The following CUX2 variants were observed in gnomAD, a reference collection of about 807,000 sequenced individuals.
CUX2 encodes the protein homeobox protein cut-like 2.
In CUX2, 40 loss-of-function variants were observed where a neutral mutation model predicts 144.8. That is an observed-to-expected ratio of 0.28 (90% confidence interval 0.21 to 0.36). The LOEUF (loss-of-function observed/expected upper bound fraction) is 0.36. CUX2 is among the 10% of genes least tolerant of loss of function. The probability of loss-of-function intolerance (pLI) is 1.00; values close to 1 mark genes in which losing one functional copy is unlikely to be tolerated. For synonymous variants in CUX2, 827 were observed against 875.6 expected (o/e 0.94, Z 0.98); for missense variants, 1,615 against 1,994.0 (o/e 0.81, Z 3.62).
Position 111,312,083 on chromosome 12 carries a change from C to A in CUX2, c.1901-17C>A, listed in dbSNP as rs761574881. ...CAACATGCAGATCCTGCCACAGATG[C>A]CTTCTTGCCTCCCCAGGCAGCATCA... On this transcript the variant is annotated splice_polypyrimidine_tract_variant and intron_variant, in intron 15 of 21. Transcript: ENST00000261726. This position sits in a 1 kb window ranked among gnomAD's most constrained non-coding sequence, Gnocchi z 4.3. 9 of 1,601,046 alleles carry A rather than the reference C, an allele frequency of 5.6e-6. No individual in the cohort carries two copies. The highest frequency in any genetic ancestry group is 1.3e-5 in the African/African-American group (1 of 74,608).
chr12:111,178,932 C>T lies in CUX2; in HGVS notation c.64-35268C>T, dbSNP rs1019512501. Among the ~76,000 whole-genome samples, 1 of 152,036 alleles carries T rather than the reference C, an allele frequency of 6.6e-6. No individual in the cohort carries two copies. The highest frequency in any genetic ancestry group is 1.5e-5 in the Non-Finnish European group (1 of 67,990). On this transcript the variant is annotated intron_variant, in intron 1 of 21. Coordinates refer to ENST00000261726, the MANE Select transcript of CUX2 (RefSeq NM_015267.4). This position sits in a 1 kb window ranked among gnomAD's most constrained non-coding sequence, Gnocchi z 5.7. Reference sequence around the variant, plus strand: ...GAATGACAGCAAGGGGGTCAGCGGTCGGCGCAGGGGAAAGCAGGGCTGAGA... The same window carrying T: ...GAATGACAGCAAGGGGGTCAGCGGTTGGCGCAGGGGAAAGCAGGGCTGAGA...
In CUX2 at chr12:111,295,440, A is replaced by G; in HGVS notation, c.637+31A>G. 1 of 1,587,050 alleles carries G rather than the reference A, an allele frequency of 6.3e-7. No individual in the cohort carries two copies. The highest frequency in any genetic ancestry group is 8.6e-7 in the Non-Finnish European group (1 of 1,163,010). ...TGTCGGCACCATGTGGCCTAGAGGG[A>G]GGACTGGGAGGGGACGGTAATGCTG... is the stretch of plus-strand genomic sequence containing the variant. On this transcript the variant is annotated intron_variant, in intron 7 of 21. Transcript: ENST00000261726. The surrounding 1 kb of genome is among the most constrained non-coding windows in gnomAD (Gnocchi z 5.0).
At chr12:111,251,743 C>G (rs1292244181) in intron 3 of CUX2, among the ~76,000 whole-genome samples, 1 of 152,194 alleles carries the variant, frequency 6.6e-6, no homozygotes, top group Non-Finnish European at 1.5e-5. Flanking sequence ...TGCAGACCCT[C>G]CCCTCAGCCA....
chr12:111,049,146 A>G (rs144318659), intron 1 of CUX2, among the ~76,000 whole-genome samples: 298 of 152,118 alleles, frequency 2.0e-3, no homozygotes, highest in African/African-American at 6.9e-3. Context: ...TCCATCCATG[A>G]ATCCTTCCAT....
At chr12:111,150,752 C>T (rs1468395594) in intron 1 of CUX2, among the ~76,000 whole-genome samples, 6 of 11,360 alleles carry the variant, frequency 5.3e-4, no homozygotes, top group Non-Finnish European at 8.1e-4. Context: ...GGAAAAGCCT[C>T]GGGGGGTGGG....
chr12:111,202,157 CT>C (rs34259430), intron 1 of CUX2, among the ~76,000 whole-genome samples: 69 of 152,324 alleles, frequency 4.5e-4, no homozygotes, highest in African/African-American at 1.5e-3. Flanking sequence ...TGTGGGATCC[CT>C]TTCCCCTGCC....
chr12:111,261,790 C>A (rs1057152021), intron 3 of CUX2, among the ~76,000 whole-genome samples: 6 of 152,092 alleles, frequency 3.9e-5, no homozygotes, highest in African/African-American at 1.4e-4. Context: ...GTAATCTCAG[C>A]TACTTGGTAG....
At chr12:111,099,392 G>A (rs979069651) in intron 1 of CUX2, 5 of 364,024 alleles carry the variant, frequency 1.4e-5, no homozygotes, top group Admixed American at 1.0e-4. Flanking sequence ...AAAATAGCTC[G>A]GTGCTTTCTT....
chr12:111,143,012 G>C (rs1876432776), intron 1 of CUX2, among the ~76,000 whole-genome samples: 1 of 152,158 alleles, frequency 6.6e-6, no homozygotes, highest in Admixed American at 6.5e-5. Context: ...GAGGCCTTCT[G>C]TATCTATCAA....
At chr12:111,210,077 G>T (rs1253875495) in intron 1 of CUX2, among the ~76,000 whole-genome samples, 1 of 152,150 alleles carries the variant, frequency 6.6e-6, no homozygotes, top group Non-Finnish European at 1.5e-5. Context: ...CAGGGGCTGG[G>T]TAGGAGAAGA....
Position 111,263,331 on chromosome 12 carries a change from C to T in CUX2, c.223-430C>T, listed in dbSNP as rs777150442. 3.3e-5 allele frequency among the ~76,000 whole-genome samples: 5 copies of T among 152,128 alleles called. No individual in the cohort carries two copies. Among genetic ancestry groups the T allele is most frequent in the Non-Finnish European group, 5.9e-5 (4 of 68,016 alleles). The stretch of plus-strand genomic sequence containing the variant: ...ACAAGAAAAAAAATACATGGCCAGC[C>T]ATGGTGGCTCATGCCTGTAATCCCA... On this transcript the variant is annotated intron_variant, in intron 3 of 21. Transcript: ENST00000261726. This position sits in a 1 kb window ranked among gnomAD's most constrained non-coding sequence, Gnocchi z 4.0.
At chr12:111,156,373 C>T (rs1030497895) in intron 1 of CUX2, among the ~76,000 whole-genome samples, 2 of 152,154 alleles carry the variant, frequency 1.3e-5, no homozygotes, top group East Asian at 1.9e-4. Flanking sequence ...ATTCTAAACT[C>T]CTTATTTCGG....
chr12:111,213,507 C>T (rs1480930081), intron 1 of CUX2, among the ~76,000 whole-genome samples: 1 of 152,146 alleles, frequency 6.6e-6, no homozygotes, highest in Non-Finnish European at 1.5e-5. Flanking sequence ...TGCATATAAG[C>T]CAGCAAAGCA....
At chr12:111,172,974 G>A (rs1473250075) in intron 1 of CUX2, among the ~76,000 whole-genome samples, 1 of 152,224 alleles carries the variant, frequency 6.6e-6, no homozygotes, top group African/African-American at 2.4e-5. Context: ...GGCTTAGTTC[G>A]AGGCAGCCTC....
chr12:111,308,451 C>T lies in CUX2; in HGVS notation c.1183C>T (p.Leu395=), dbSNP rs1175754363. The T allele has an allele frequency of 1.2e-6, 2 of 1,614,190 alleles. No homozygotes were observed. The highest frequency in any genetic ancestry group is 2.2e-5 in the South Asian group (2 of 91,088). The stretch of plus-strand genomic sequence containing the variant: ...GGGCATGGCCAAGCCTGAAGACTCA[C>T]TGCTTATTGCAAAGGAGGCCTTCTT... ...PQGMAKPEDS[L]LIAKEAFFPT... The change falls in exon 14 of 22, where the codon CTG becomes TTG. Residue 395 remains leucine, a synonymous_variant. Transcript: ENST00000261726.
rs1886695508 is a variant in CUX2, at chr12:111,308,202, A to G, written c.1110-83A>G. ...ATGGAGCAGTCATTGTCAGGGAGGT[A>G]AGCCGGGTCAGTGCCTCTTGAAAGA... On this transcript the variant is annotated intron_variant, in intron 12 of 21. Transcript: ENST00000261726. The G allele has an allele frequency of 2.0e-6, 3 of 1,482,776 alleles. No individual in the cohort carries two copies. In the African/African-American group the frequency reaches 4.2e-5, roughly 21 times the overall value. 91.9% of individuals were successfully genotyped at this position (1,482,776 alleles called of 1,614,324 possible).
intron 18 of CUX2, among the ~76,000 whole-genome samples, chr12:111,328,308 G>A (rs950483849): frequency 2.6e-5 from 4 of 152,162 alleles, no homozygotes; most frequent in South Asian, 2.1e-4. Context: ...GGCAGGGACC[G>A]GCACTGGAAC....
At chr12:111,238,313 C>T (rs1882861761) in intron 3 of CUX2, among the ~76,000 whole-genome samples, 1 of 152,214 alleles carries the variant, frequency 6.6e-6, no homozygotes, top group African/African-American at 2.4e-5. Context: ...CCTCACGGTG[C>T]CTGACACACA....
chr12:111,298,668 GA>G, intron 9 of CUX2, 79 bp downstream of exon 9: 13 of 1,328,240 alleles, frequency 9.8e-6, no homozygotes, highest in Non-Finnish European at 1.4e-5. Flanking sequence ...AGATGAGGAG[GA>G]AGGGACTGAG....
Sources: gnomAD v4.1 joint callset for allele counts (sites outside exome capture counted in the v4.1 genomes callset) on GRCh38, gnomAD v4.1.1 for gene constraint, Gnocchi (gnomAD v3.1) non-coding constraint, MANE v1.5 for transcripts, NCBI Gene and HGNC (gene_info 2026-07-23, HGNC 2026-07-21) for gene names.